Variants in MROH2B observed in about 807,000 individuals in gnomAD.
MROH2B encodes maestro heat like repeat family member 2B, also known as maestro heat-like repeat-containing protein family member 2B.
Under a neutral mutation model 208.6 loss-of-function variants are expected in MROH2B, and 177 were observed. The observed-to-expected ratio is 0.85, with a 90% confidence interval of 0.75 to 0.96. The LOEUF (loss-of-function observed/expected upper bound fraction) is 0.96, where lower values mean the gene tolerates loss of function less well. Among genes scored for constraint, MROH2B ranks in the 40% least tolerant of loss-of-function variants. MROH2B has a pLI of 0.00. For missense variants in MROH2B, 2,002 were observed against 1,878.7 expected (o/e 1.07, Z -1.21); for synonymous variants, 728 against 659.0 (o/e 1.10, Z -1.60).
chr5:41,054,321 T>C (rs1015086277), intron 11 of MROH2B, among the ~76,000 whole-genome samples: 1 of 152,242 alleles, frequency 6.6e-6, no homozygotes, highest in Non-Finnish European at 1.5e-5. Context: ...CAATCCGCTA[T>C]GTGCATGACT....
intron 28 of MROH2B, among the ~76,000 whole-genome samples, chr5:41,017,052 G>A (rs1741978368): frequency 6.6e-6 from 1 of 152,218 alleles, no homozygotes; most frequent in African/African-American, 2.4e-5. Context: ...ACATGGAAAG[G>A]CACTCAATAA....
At chr5:41,047,180 A>G (rs553038953) in intron 17 of MROH2B, among the ~76,000 whole-genome samples, 13 of 152,316 alleles carry the variant, frequency 8.5e-5, no homozygotes, top group African/African-American at 2.6e-4. Context: ...TCTGCAATTA[A>G]CTATTTCTGG....
Position 40,998,150 on chromosome 5 carries a change from C to CT in MROH2B, c.4659dup (p.Ala1554SerfsTer9). ...CTAATACACGGATCTTGACGAAGTG[C>CT]TTGGAGTCCTGAAATGGCAAGAATA... On this transcript the variant is annotated frameshift_variant, in exon 42 of 42. Transcript: ENST00000399564. LOFTEE classifies it high-confidence loss of function. 1 of 1,610,060 alleles carries CT rather than the reference C, an allele frequency of 6.2e-7. No homozygotes were observed. Among genetic ancestry groups the CT allele is most frequent in the Non-Finnish European group, 8.5e-7 (1 of 1,177,328 alleles).
chr5:41,045,823 C>T lies in MROH2B; in HGVS notation c.1759G>A (p.Asp587Asn). 1 of 1,613,068 alleles carries T rather than the reference C, an allele frequency of 6.2e-7. No homozygotes were observed. The highest frequency in any genetic ancestry group is 8.5e-7 in the Non-Finnish European group (1 of 1,179,258). Residue 587 changes from aspartate to asparagine, a missense_variant, in exon 18 of 42, where the codon GAT (aspartate) becomes AAT (asparagine). Transcript: ENST00000399564. ...GTCAGCTGAATGGTCCAGGCCACAT[C>T]ACTGATCTTCCATAAGGATTCTTTG... is the stretch of plus-strand genomic sequence containing the variant. Reference protein sequence around the residue: ...LLKESLWKISDVAWTIQLTQD... With the variant: ...LLKESLWKISNVAWTIQLTQD...
In MROH2B at chr5:41,018,949, C is replaced by A. The variant is rs1471559689; in HGVS notation, c.2511G>T (p.Leu837=). Residue 837 remains leucine (L), a synonymous_variant, in exon 25 of 42, where the codon CTG becomes CTT. Transcript: ENST00000399564. ...NILEENIRRL[L]PLPPLENLKS... ...TCAGATTTTCCAGAGGTGGAAGGGG[C>A]AGCAGCCTCCGAATATTCTCCTCAA... 1 of 1,613,826 alleles carries A rather than the reference C, an allele frequency of 6.2e-7. No homozygotes were observed. The highest frequency in any genetic ancestry group is 1.7e-5 in the Admixed American group (1 of 59,918).
rs1741372213 is a variant in MROH2B, at chr5:41,000,761, T to C, written c.4267A>G (p.Lys1423Glu). 1.9e-6 allele frequency: 3 copies of C among 1,611,120 alleles called. No homozygotes were observed. In the Admixed American group the frequency reaches 5.0e-5, roughly 27 times the overall value. The part of the protein sequence containing the change: ...DLAPLTGRRW[K>E]IFFAEEIKKS... ...TTTATTTCTTCAGCAAAAAAAATCT[T>C]CCACCTTCTTCCTGTTAGGGGTGCC... Residue 1423 changes from lysine (K) to glutamate (E), a missense_variant, in exon 38 of 42, where the codon AAG becomes GAG. Lys to Glu is a moderately conservative substitution (Grantham distance 56). Transcript: ENST00000399564.
At chr5:41,064,134 G>T (rs899676424) in intron 5 of MROH2B, among the ~76,000 whole-genome samples, 10 of 152,196 alleles carry the variant, frequency 6.6e-5, no homozygotes, top group African/African-American at 2.2e-4. Context: ...GGGCAGTGAG[G>T]AGTGTAGACT....
intron 23 of MROH2B, 65 bp from the exon 24 acceptor site, chr5:41,032,886 CA>C: frequency 6.4e-7 from 1 of 1,561,452 alleles, no homozygotes; most frequent in South Asian, 1.2e-5. Flanking sequence ...GATGCAGCTG[CA>C]ACCTCATCAG....
Position 41,049,112 on chromosome 5 carries a change from C to A in MROH2B, c.1531G>T (p.Ala511Ser). 1 of 1,598,266 alleles carries A rather than the reference C, an allele frequency of 6.3e-7. No homozygotes were observed. The highest frequency in any genetic ancestry group is 8.5e-7 in the Non-Finnish European group (1 of 1,171,476). The stretch of plus-strand genomic sequence containing the variant: ...AGTAACTCACTCACCAGAAGTCTGG[C>A]CAGTAGCTGCTGTGGTGAAGGAAGT... The part of the protein sequence containing the change: ...VKLPSPQQLL[A>S]RLLVISMPAS... Residue 511 changes from alanine (A) to serine (S), a missense_variant, in exon 15 of 42, where the codon GCC (alanine) becomes TCC (serine). By Grantham distance (99) the Ala-to-Ser change is moderately conservative. Transcript: ENST00000399564.
intron 29 of MROH2B, among the ~76,000 whole-genome samples, chr5:41,013,892 T>C (rs1412839142): frequency 6.6e-6 from 1 of 152,226 alleles, no homozygotes; most frequent in Non-Finnish European, 1.5e-5. Flanking sequence ...ACCTTCCTTG[T>C]TTCTAATTGC....
chr5:41,062,588 G>T (rs1193698418), intron 5 of MROH2B, among the ~76,000 whole-genome samples: 1 of 152,132 alleles, frequency 6.6e-6, no homozygotes, highest in Non-Finnish European at 1.5e-5. Context: ...TGCATGAAAT[G>T]CATAAAATAA....
At chr5:41,044,376 A>G (rs898354080) in intron 18 of MROH2B, among the ~76,000 whole-genome samples, 4 of 152,216 alleles carry the variant, frequency 2.6e-5, no homozygotes, top group Admixed American at 2.6e-4. Context: ...TGTGACCTAA[A>G]TAGGTGGCTG....
intron 24 of MROH2B, among the ~76,000 whole-genome samples, chr5:41,025,115 A>T (rs1579923647): frequency 6.6e-6 from 1 of 152,194 alleles, no homozygotes; most frequent in South Asian, 2.1e-4. Context: ...TAACATCACA[A>T]TTAAAAGAAC....
chr5:41,026,810 A>T (rs1272414331), intron 24 of MROH2B, among the ~76,000 whole-genome samples: 1 of 152,228 alleles, frequency 6.6e-6, no homozygotes, highest in Non-Finnish European at 1.5e-5. Context: ...ACAGTGACCA[A>T]AACAGCATGG....
At chr5:41,028,396 A>G (rs178985) in intron 24 of MROH2B, among the ~76,000 whole-genome samples, 116,583 of 152,054 alleles carry the variant, frequency 0.77, 45,035 homozygotes, top group Non-Finnish European at 0.82. Context: ...TACATTATTA[A>G]ATCTTTAGAC....
rs770800171 is a variant in MROH2B at position 41,007,361 on chromosome 5, T to C, written c.3702A>G (p.Leu1234=). Residue 1234 remains leucine, a synonymous_variant, in exon 34 of 42, where the codon CTA becomes CTG. Coordinates refer to ENST00000399564, the MANE Select transcript of MROH2B (RefSeq NM_173489.5). ...TGTGGTGGGTACTAGGACTGCTGAG[T>C]AGAGTCCATAAGTTGTCCCCCTCAT... ...ESDEGDNLWT[L]LSSPSTHHIG... 4 of 1,543,526 alleles carry C rather than the reference T, an allele frequency of 2.6e-6. No homozygotes were observed. Among genetic ancestry groups the C allele is most frequent in the Non-Finnish European group, 3.5e-6 (4 of 1,142,484 alleles).
intron 24 of MROH2B, among the ~76,000 whole-genome samples, chr5:41,028,360 C>T (rs1742452402): frequency 6.6e-6 from 1 of 152,124 alleles, no homozygotes; most frequent in South Asian, 2.1e-4. Context: ...ATACAATACA[C>T]TATTATTAAA....
chr5:41,039,465 A>G lies in MROH2B; in HGVS notation c.2044T>C (p.Phe682Leu). ...LKTFQNQEKFFMNRCKSLFSG... is the reference protein window; with the variant it reads ...LKTFQNQEKFLMNRCKSLFSG... ...CTTCTTACCTTACATCGATTCATGA[A>G]AAACTTTTCCTGATTTTGGAATGTT... is the stretch of plus-strand genomic sequence containing the variant. Residue 682 changes from phenylalanine to leucine, a missense_variant, in exon 20 of 42, where the codon TTC becomes CTC. Transcript: ENST00000399564. The G allele has an allele frequency of 6.3e-7, 1 of 1,595,548 alleles. No individual in the cohort carries two copies. Among genetic ancestry groups the G allele is most frequent in the Non-Finnish European group, 8.6e-7 (1 of 1,168,764 alleles).
chr5:41,071,012 G>A lies in MROH2B; in HGVS notation c.-160C>T. ...CCACTTGATTGGCACAATGGTCTGG[G>A]AGCTTCCAGAGATGGGCTTGCTGTT... On this transcript the variant is annotated 5_prime_UTR_variant, in exon 1 of 42. Transcript: ENST00000399564. 1.5e-6 allele frequency: 1 copy of A among 645,472 alleles called. No homozygotes were observed. The highest frequency in any genetic ancestry group is 2.7e-6 in the Non-Finnish European group (1 of 370,478). 40.0% of individuals were successfully genotyped at this position (645,472 alleles called of 1,614,324 possible).
Sources: allele counts gnomAD v4.1 joint callset (sites outside exome capture counted in the v4.1 genomes callset), GRCh38; gene constraint gnomAD v4.1.1; transcripts MANE v1.5; gene names NCBI Gene and HGNC (gene_info 2026-07-23, HGNC 2026-07-21).